Variants in SYNJ2BP observed in about 807,000 individuals in gnomAD.
SYNJ2BP encodes synaptojanin 2 binding protein.
A neutral mutation model predicts 16.9 loss-of-function variants in SYNJ2BP; 10 were observed. The ratio of observed to expected loss-of-function variants is 0.59; its 90% CI spans 0.36 to 1.00. The LOEUF (loss-of-function observed/expected upper bound fraction) is 1.00, where lower values mean the gene tolerates loss of function less well. SYNJ2BP is among the 50% of genes least tolerant of loss of function. The probability of loss-of-function intolerance (pLI) is 0.01; values close to 1 mark genes in which losing one functional copy is unlikely to be tolerated. For synonymous variants in SYNJ2BP, 54 were observed against 68.4 expected, an observed-to-expected ratio of 0.79 and a Z score of 1.04; for missense variants, 162 against 186.7, an observed-to-expected ratio of 0.87 and a Z score of 0.77.
Position 70,367,001 on chromosome 14 carries a change from T to G in SYNJ2BP, c.*5990A>C, listed in dbSNP as rs543030600. On this transcript the variant is annotated 3_prime_UTR_variant, in exon 4 of 4. Transcript: ENST00000256366. Reference sequence around the variant, plus strand: ...CTTTTCCTGGGATTAGTAACTAAATTTAATGATTACAGCAAATATAAAGTT... The same window carrying G: ...CTTTTCCTGGGATTAGTAACTAAATGTAATGATTACAGCAAATATAAAGTT... The G allele has an allele frequency of 2.6e-5, 4 of 152,206 alleles. No individual in the cohort carries two copies. Among genetic ancestry groups the G allele is most frequent in the Non-Finnish European group, 4.4e-5 (3 of 68,030 alleles). The allele number at this position is 152,206 out of a possible 1,614,324, so 9.4% of individuals were successfully genotyped here.
At chr14:70,373,215 T>C (rs978333147) in intron 3 of SYNJ2BP, 84 bp from the exon 4 acceptor site, 1 of 1,564,974 alleles carries the variant, frequency 6.4e-7, no homozygotes. Flanking sequence ...CACCTGGGTT[T>C]GTAGACTCTA....
intron 2 of SYNJ2BP, among the ~76,000 whole-genome samples, chr14:70,386,470 T>C (rs1186721456): frequency 2.0e-5 from 3 of 152,216 alleles, no homozygotes; most frequent in Non-Finnish European, 4.4e-5. Flanking sequence ...GGACACATGC[T>C]TAGACATTCT....
intron 1 of SYNJ2BP, among the ~76,000 whole-genome samples, chr14:70,396,275 G>A (rs1215525895): frequency 6.6e-5 from 10 of 152,054 alleles, no homozygotes; most frequent in East Asian, 3.9e-4. Flanking sequence ...CTGCCACCAC[G>A]CCTGGCTAAT....
In SYNJ2BP at chr14:70,366,634, A is replaced by G. The variant is rs1887393366; in HGVS notation, c.*6357T>C. 1.3e-5 allele frequency: 2 copies of G among 152,212 alleles called. No homozygotes were observed. The highest frequency in any genetic ancestry group is 2.4e-5 in the African/African-American group (1 of 41,460). 9.4% of individuals were successfully genotyped at this position (152,212 alleles called of 1,614,324 possible). The stretch of plus-strand genomic sequence containing the variant: ...TACCATAGATTTTGATGGCCTCATT[A>G]ACATAATTAATCCGTAGTGACATTC... On this transcript the variant is annotated 3_prime_UTR_variant, in exon 4 of 4. Transcript: ENST00000256366.
chr14:70,375,648 C>T, intron 3 of SYNJ2BP, 28 bp downstream of exon 3: 1 of 1,601,054 alleles, frequency 6.2e-7, no homozygotes, highest in South Asian at 1.1e-5. Context: ...AGCCTGGTGC[C>T]AGGTTTCTGG....
chr14:70,409,524 A>G (rs1397009313), intron 1 of SYNJ2BP, among the ~76,000 whole-genome samples: 1 of 152,122 alleles, frequency 6.6e-6, no homozygotes, highest in Non-Finnish European at 1.5e-5. Context: ...TATTTCCCCA[A>G]AGTAATTCCT....
intron 1 of SYNJ2BP, among the ~76,000 whole-genome samples, chr14:70,406,208 C>T (rs573356746): frequency 1.2e-4 from 18 of 152,252 alleles, no homozygotes; most frequent in Admixed American, 1.2e-3. Context: ...GTCAGGTTAC[C>T]TTTGCAGAAT....
chr14:70,373,601 T>A (rs961005184), intron 3 of SYNJ2BP, among the ~76,000 whole-genome samples: 2 of 152,196 alleles, frequency 1.3e-5, no homozygotes, highest in African/African-American at 4.8e-5. Flanking sequence ...AATACCAACA[T>A]ACGTCCAATG....
chr14:70,408,974 C>A (rs547739167), intron 1 of SYNJ2BP, among the ~76,000 whole-genome samples: 1 of 152,262 alleles, frequency 6.6e-6, no homozygotes, highest in Admixed American at 6.5e-5. Flanking sequence ...GCTAGGACTA[C>A]AACAACCTCG....
intron 1 of SYNJ2BP, among the ~76,000 whole-genome samples, chr14:70,414,887 C>A (rs1226191365): frequency 6.6e-6 from 1 of 152,138 alleles, no homozygotes; most frequent in Non-Finnish European, 1.5e-5. Context: ...TGAAAAGTAA[C>A]TTTCTATGTT....
chr14:70,389,241 A>C lies in SYNJ2BP; in HGVS notation c.65-635T>G, dbSNP rs78018544. ...TCAAAAGAAGCTATGCATTTTTACC[A>C]ATTATCAAATGAACTGTTCCTAATT... On this transcript the variant is annotated intron_variant, in intron 1 of 3. Coordinates refer to ENST00000256366, the MANE Select transcript of SYNJ2BP (RefSeq NM_018373.3). 8.1e-3 allele frequency among the ~76,000 whole-genome samples: 1,233 copies of C among 152,240 alleles called. 13 individuals carry two copies. The highest frequency in any genetic ancestry group is 0.028 in the African/African-American group (1,148 of 41,538).
chr14:70,369,120 T>G lies in SYNJ2BP; in HGVS notation c.*3871A>C, dbSNP rs1887459927. ...ACTTGCTTTTTGTTTTTTGTTTGTT[T>G]GTTTTTTTGTTTTTGAGACAAGGTC... is the stretch of plus-strand genomic sequence containing the variant. On this transcript the variant is annotated 3_prime_UTR_variant, in exon 4 of 4. Coordinates refer to ENST00000256366, the MANE Select transcript of SYNJ2BP (RefSeq NM_018373.3). 6.6e-6 allele frequency: 1 copy of G among 150,718 alleles called. No individual in the cohort carries two copies. Among genetic ancestry groups the G allele is most frequent in the Non-Finnish European group, 1.5e-5 (1 of 67,616 alleles). 9.3% of individuals were successfully genotyped at this position (150,718 alleles called of 1,614,324 possible).
At chr14:70,387,561 G>A (rs1887886167) in intron 2 of SYNJ2BP, among the ~76,000 whole-genome samples, 1 of 152,188 alleles carries the variant, frequency 6.6e-6, no homozygotes, top group African/African-American at 2.4e-5. Flanking sequence ...GCCGGGCCCG[G>A]TGGCTCACGC....
At chr14:70,407,490 A>G (rs566904615) in intron 1 of SYNJ2BP, among the ~76,000 whole-genome samples, 20 of 150,552 alleles carry the variant, frequency 1.3e-4, no homozygotes, top group African/African-American at 4.7e-4. Context: ...AGTCAATAAT[A>G]AAAGGCTAAA....
chr14:70,384,703 T>A (rs146266679), intron 2 of SYNJ2BP, among the ~76,000 whole-genome samples: 3 of 151,636 alleles, frequency 2.0e-5, no homozygotes, highest in African/African-American at 7.3e-5. Context: ...GTCTGGCACT[T>A]CCCCCTACTC....
intron 1 of SYNJ2BP, among the ~76,000 whole-genome samples, chr14:70,398,665 T>G (rs1041919312): frequency 6.6e-6 from 1 of 152,160 alleles, no homozygotes; most frequent in South Asian, 2.1e-4. Context: ...GGAACCTTCC[T>G]GGGCCCCTGA....
intron 1 of SYNJ2BP, among the ~76,000 whole-genome samples, chr14:70,395,153 C>T (rs146652000): frequency 6.6e-6 from 1 of 152,316 alleles, no homozygotes; most frequent in East Asian, 1.9e-4. Flanking sequence ...GAAGAATTCA[C>T]CACTATAGAG....
At chr14:70,387,735 GC>G (rs534580265) in intron 2 of SYNJ2BP, among the ~76,000 whole-genome samples, 3 of 151,798 alleles carry the variant, frequency 2.0e-5, no homozygotes, top group Non-Finnish European at 2.9e-5. Flanking sequence ...GGAGGCTGAG[GC>G]AGGAGAATCG....
chr14:70,394,209 C>T (rs981813687), intron 1 of SYNJ2BP, among the ~76,000 whole-genome samples: 1 of 151,784 alleles, frequency 6.6e-6, no homozygotes, highest in Non-Finnish European at 1.5e-5. Context: ...AACATACACA[C>T]AAATATTAAC....
Sources: gnomAD v4.1 joint callset for allele counts (sites outside exome capture counted in the v4.1 genomes callset) on GRCh38, gnomAD v4.1.1 for gene constraint, MANE v1.5 for transcripts, NCBI Gene and HGNC (gene_info 2026-07-23, HGNC 2026-07-21) for gene names.